VSIG1: variants seen among roughly 807,000 people sequenced by gnomAD.
VSIG1 encodes the protein V-set and immunoglobulin domain-containing protein 1.
VSIG1 carries 11 observed loss-of-function variants against 20.1 expected under a neutral mutation model. That is an observed-to-expected ratio of 0.55 (90% CI 0.34 to 0.91). The LOEUF (loss-of-function observed/expected upper bound fraction) is 0.91, where lower values mean the gene tolerates loss of function less well. VSIG1 is among the 40% of genes least tolerant of loss of function. The pLI, the probability that VSIG1 is intolerant of heterozygous loss-of-function variation, is 0.02. For missense variants in VSIG1, 283 were observed against 298.8 expected, an observed-to-expected ratio of 0.95 and a Z score of 0.39; for synonymous variants, 126 against 116.7, an observed-to-expected ratio of 1.08 and a Z score of -0.52.
chrX:108,028,440 T>A, the VSIG1 span, among the ~76,000 whole-genome samples: 3 of 111,981 alleles, frequency 2.7e-5, no homozygotes, highest in Non-Finnish European at 5.6e-5. Flanking sequence ...TTAAATCAGG[T>A]GAACATAAGA....
the VSIG1 span, among the ~76,000 whole-genome samples, chrX:108,038,239 C>A: frequency 3.6e-5 from 4 of 111,369 alleles, no homozygotes; most frequent in Non-Finnish European, 7.5e-5. Flanking sequence ...TCCTAATGCT[C>A]TCCTTCCCCT....
rs1022945602 is a variant in VSIG1 at position 108,079,097 on chromosome X, A to C, written c.*1716A>C. Reference sequence around the variant, plus strand: ...CAATAAATAATACTCATAATGTCTCATTTTAGTGACTCCTAAGGCTAGTCC... The same window carrying C: ...CAATAAATAATACTCATAATGTCTCCTTTTAGTGACTCCTAAGGCTAGTCC... On this transcript the variant is annotated 3_prime_UTR_variant, in exon 7 of 7. Coordinates refer to ENST00000217957, the MANE Select transcript of VSIG1 (RefSeq NM_182607.5). The C allele has an allele frequency of 8.9e-6, 1 of 112,355 alleles. No individual in the cohort carries two copies. The highest frequency in any genetic ancestry group is 1.9e-5 in the Non-Finnish European group (1 of 53,284). The allele number at this position is 112,355 out of a possible 1,213,427, so 9.3% of individuals were successfully genotyped here.
At chrX:108,067,215 C>T (rs777365525) in intron 3 of VSIG1, 81 bp downstream of exon 3, 1 of 1,004,372 alleles carries the variant, frequency 1.0e-6, no homozygotes, top group African/African-American at 1.9e-5. Flanking sequence ...GTTATGATGC[C>T]AATTAAGTCT....
intron 1 of VSIG1, among the ~76,000 whole-genome samples, chrX:108,047,140 T>C (rs987104158): frequency 1.2e-4 from 13 of 111,779 alleles, no homozygotes; most frequent in Non-Finnish European, 1.7e-4. Flanking sequence ...TTGGAGAGAA[T>C]GTCACTTTTT....
intron 3 of VSIG1, among the ~76,000 whole-genome samples, chrX:108,072,050 T>C (rs1165113156): frequency 9.1e-6 from 1 of 110,407 alleles, no homozygotes; most frequent in Non-Finnish European, 1.9e-5. Context: ...GGTCATTTAG[T>C]ATTTGCTTAT....
At chrX:108,053,452 G>A (rs186134533) in intron 1 of VSIG1, among the ~76,000 whole-genome samples, 12 of 110,891 alleles carry the variant, frequency 1.1e-4, no homozygotes, top group Middle Eastern at 4.6e-3. Context: ...AATACCCAGA[G>A]AAACCACTGG....
At chrX:108,031,368 A>G in the VSIG1 span, among the ~76,000 whole-genome samples, 2 of 111,939 alleles carry the variant, frequency 1.8e-5, no homozygotes, top group African/African-American at 6.5e-5. Context: ...TTAATCATGT[A>G]CTGGGTAAGA....
At chrX:108,035,095 T>C in the VSIG1 span, among the ~76,000 whole-genome samples, 1 of 111,984 alleles carries the variant, frequency 8.9e-6, no homozygotes, top group East Asian at 2.8e-4. Flanking sequence ...AACTCCTGTC[T>C]TAACAATTAT....
At chrX:108,039,665 A>G in the VSIG1 span, among the ~76,000 whole-genome samples, 1 of 111,240 alleles carries the variant, frequency 9.0e-6, no homozygotes, top group East Asian at 2.8e-4. Context: ...TTAGGAGGCT[A>G]TAGCCATGAT....
At chrX:108,052,442 TAC>T (rs764453844) in intron 1 of VSIG1, among the ~76,000 whole-genome samples, 35 of 106,825 alleles carry the variant, frequency 3.3e-4, no homozygotes, top group East Asian at 2.6e-3. Flanking sequence ...CTACCAAAAA[TAC>T]ACACACACAC....
At chrX:108,066,304 G>A (rs925233935) in intron 2 of VSIG1, among the ~76,000 whole-genome samples, 5 of 110,997 alleles carry the variant, frequency 4.5e-5, no homozygotes, top group African/African-American at 9.8e-5. Flanking sequence ...GAGCACTTCC[G>A]AGGTCCTTTA....
At chrX:108,060,999 AG>A (rs1484882019) in intron 2 of VSIG1, among the ~76,000 whole-genome samples, 1 of 112,277 alleles carries the variant, frequency 8.9e-6, no homozygotes, top group Non-Finnish European at 1.9e-5. Context: ...GGGCCATACT[AG>A]CCCAAGATCA....
chrX:108,020,373 T>C, the VSIG1 span, among the ~76,000 whole-genome samples: 2 of 112,252 alleles, frequency 1.8e-5, no homozygotes, highest in Non-Finnish European at 3.8e-5. Context: ...TCAATCTCTG[T>C]TAAATTTTTC....
intron 5 of VSIG1, 59 bp from the exon 6 acceptor site, chrX:108,076,018 C>A: frequency 1.7e-6 from 2 of 1,187,856 alleles, no homozygotes; most frequent in Non-Finnish European, 2.3e-6. Context: ...TAGTCACAAA[C>A]ACACATTATA....
At chrX:108,029,447 C>A in the VSIG1 span, among the ~76,000 whole-genome samples, 545 of 111,938 alleles carry the variant, frequency 4.9e-3, 5 homozygotes, top group African/African-American at 0.017. Flanking sequence ...GGTTTAAAAT[C>A]TGCTGAACTC....
chrX:108,057,291 C>G (rs950308152), intron 1 of VSIG1, among the ~76,000 whole-genome samples: 3 of 111,964 alleles, frequency 2.7e-5, no homozygotes, highest in African/African-American at 9.8e-5. Flanking sequence ...CATGAGAGGT[C>G]TTTGTGGTGA....
Position 108,076,174 on chromosome X carries a change from A to C in VSIG1, c.786A>C (p.Lys262Asn), listed in dbSNP as rs766933711. Reference sequence around the variant, plus strand: ...TGTGCTTCGCAAGGAATAAGGCAAAAGCAAAGGCAAAAGAAAGAAATTCTA... The same window carrying C: ...TGTGCTTCGCAAGGAATAAGGCAAACGCAAAGGCAAAAGAAAGAAATTCTA... ...SVVCFARNKAKAKAKERNSKT... is the reference protein window; with the variant it reads ...SVVCFARNKANAKAKERNSKT... Residue 262 changes from lysine (K) to asparagine (N), a missense_variant, in exon 6 of 7, where the codon AAA becomes AAC. Physicochemically the swap from Lys to Asn is moderately conservative, Grantham distance 94. Transcript: ENST00000217957. 1 of 1,210,626 alleles carries C rather than the reference A, an allele frequency of 8.3e-7. No individual in the cohort carries two copies.
intron 4 of VSIG1, 93 bp downstream of exon 4, chrX:108,072,925 C>T: frequency 1.1e-6 from 1 of 949,096 alleles, no homozygotes; most frequent in Admixed American, 2.8e-5. Flanking sequence ...CCTTACAGTT[C>T]AATCTTCTTG....
rs1275463179 is a variant in VSIG1 at position 108,045,188 on chromosome X, A to G, written c.49+9A>G. On this transcript the variant is annotated intron_variant, in intron 1 of 6. Coordinates refer to ENST00000217957, the MANE Select transcript of VSIG1 (RefSeq NM_182607.5). Reference sequence around the variant, plus strand: ...CCTAAGCTGCCTTGCAGGTAAGGAAAGGATCTCCAAACCACCAAATATAAT... The same window carrying G: ...CCTAAGCTGCCTTGCAGGTAAGGAAGGGATCTCCAAACCACCAAATATAAT... 1 of 1,172,452 alleles carries G rather than the reference A, an allele frequency of 8.5e-7. No homozygotes were observed. Among genetic ancestry groups the G allele is most frequent in the Non-Finnish European group, 1.1e-6 (1 of 871,324 alleles).
Sources: allele counts gnomAD v4.1 joint callset (sites outside exome capture counted in the v4.1 genomes callset), GRCh38; gene constraint gnomAD v4.1.1; transcripts MANE v1.5; gene names NCBI Gene and HGNC (gene_info 2026-07-23, HGNC 2026-07-21).